Variants in TAOK3 observed in about 807,000 individuals in gnomAD.
TAOK3 encodes serine/threonine-protein kinase TAO3.
TAOK3 carries 40 observed loss-of-function variants against 120.4 expected under a neutral mutation model. That is an observed-to-expected ratio of 0.33 (90% confidence interval 0.26 to 0.43). The LOEUF (loss-of-function observed/expected upper bound fraction) is 0.43. Ranked by LOEUF, TAOK3 falls within the 20% of genes least tolerant of loss-of-function variation. The pLI is 1.00. For missense variants in TAOK3, 821 were observed against 1,112.1 expected (o/e 0.74, Z 3.72); for synonymous variants, 355 against 387.5 (o/e 0.92, Z 0.99).
intron 1 of TAOK3, among the ~76,000 whole-genome samples, chr12:118,338,719 A>G (rs1158592287): frequency 3.6e-5 from 5 of 139,196 alleles, no homozygotes; most frequent in Non-Finnish European, 6.1e-5. Context: ...CCTGGGAGGC[A>G]GAGGTTGCAG....
At position 118,151,287 on chromosome 12, in the gene TAOK3, G is replaced by GCACACACACA. The variant is rs767980079; in HGVS notation, c.2536-130_2536-129insTGTGTGTGTG. 1,612 of 476,582 alleles carry GCACACACACA rather than the reference G, an allele frequency of 3.4e-3. 12 individuals carry two copies. The highest frequency in any genetic ancestry group is 0.023 in the East Asian group (687 of 30,036). The allele number at this position is 476,582 out of a possible 1,614,324, so 29.5% of individuals were successfully genotyped here. ...AGGCACACACATGAAGTGCGCGCGC[G>GCACACACACA]CGCACACACACACACACACACACAC... On this transcript the variant is annotated intron_variant, in intron 20 of 20. Transcript: ENST00000392533.
chr12:118,246,325 T>A, intron 3 of TAOK3: 1 of 1,599,596 alleles, frequency 6.3e-7, no homozygotes. Context: ...CTGGAGGAGA[T>A]CTATCTCTTC....
chr12:118,294,461 C>A (rs1828497530), intron 1 of TAOK3, among the ~76,000 whole-genome samples: 1 of 151,786 alleles, frequency 6.6e-6, no homozygotes, highest in African/African-American at 2.4e-5. Flanking sequence ...TCGGCTCACT[C>A]CAACCTCTGC....
At chr12:118,341,157 G>A (rs758259247) in intron 1 of TAOK3, among the ~76,000 whole-genome samples, 8 of 151,882 alleles carry the variant, frequency 5.3e-5, no homozygotes, top group Non-Finnish European at 1.0e-4. Context: ...CTGCCGCCAT[G>A]CCTGGCTAAT....
intron 1 of TAOK3, among the ~76,000 whole-genome samples, chr12:118,355,436 G>A (rs1247830390): frequency 1.3e-5 from 2 of 152,142 alleles, no homozygotes; most frequent in African/African-American, 2.4e-5. Flanking sequence ...AATGAAAAAT[G>A]TTACTAAAGT....
intron 17 of TAOK3, among the ~76,000 whole-genome samples, chr12:118,162,715 CTGTT>C (rs1371073640): frequency 6.6e-6 from 1 of 152,004 alleles, no homozygotes; most frequent in African/African-American, 2.4e-5. Flanking sequence ...GCATTACAGT[CTGTT>C]TGATCATTTA....
At chr12:118,307,823 C>A (rs1168465561) in intron 1 of TAOK3, among the ~76,000 whole-genome samples, 1 of 152,150 alleles carries the variant, frequency 6.6e-6, no homozygotes, top group African/African-American at 2.4e-5. Flanking sequence ...AAATGTTAAG[C>A]TGCATACTGC....
intron 9 of TAOK3, among the ~76,000 whole-genome samples, chr12:118,228,309 GC>G (rs2139759052): frequency 6.6e-6 from 1 of 151,902 alleles, no homozygotes; most frequent in South Asian, 2.1e-4. Context: ...GCACCACCAT[GC>G]CCAGCTAATT....
Position 118,152,504 on chromosome 12 carries a change from T to C in TAOK3, c.2353-95A>G, listed in dbSNP as rs2034521351. 2.3e-6 allele frequency: 3 copies of C among 1,326,010 alleles called. No homozygotes were observed. The South Asian group carries it at 4.4e-5, about 19-fold the overall frequency. The allele number at this position is 1,326,010 out of a possible 1,614,324, so 82.1% of individuals were successfully genotyped here. A position where few individuals can be genotyped will look rare whatever the true frequency, so the allele number is the denominator to read the frequency against. Reference sequence around the variant, plus strand: ...TGACTACTGGAAGAGGTTTCCTCATTTGGATTGAAATTGGTTGCCCCCTCA... The same window carrying C: ...TGACTACTGGAAGAGGTTTCCTCATCTGGATTGAAATTGGTTGCCCCCTCA... On this transcript the variant is annotated intron_variant, in intron 19 of 20. Transcript: ENST00000392533.
intron 1 of TAOK3, among the ~76,000 whole-genome samples, chr12:118,370,011 C>T (rs1395129750): frequency 6.7e-6 from 1 of 149,884 alleles, no homozygotes; most frequent in Non-Finnish European, 1.5e-5. Context: ...AATAGCTGGC[C>T]CTACAGGCAC....
At chr12:118,215,172 C>T (rs1403937588) in intron 9 of TAOK3, among the ~76,000 whole-genome samples, 2 of 148,354 alleles carry the variant, frequency 1.3e-5, no homozygotes, top group African/African-American at 4.9e-5. Context: ...AGCCACTGCA[C>T]CCAGTCCCAT....
chr12:118,296,106 A>G (rs905393066), intron 1 of TAOK3, among the ~76,000 whole-genome samples: 1 of 152,204 alleles, frequency 6.6e-6, no homozygotes, highest in Non-Finnish European at 1.5e-5. Flanking sequence ...ATAAAACATT[A>G]AATGTGGCAA....
chr12:118,272,553 G>A (rs2041752586), intron 1 of TAOK3, among the ~76,000 whole-genome samples: 2 of 151,980 alleles, frequency 1.3e-5, no homozygotes, highest in Admixed American at 6.6e-5. Flanking sequence ...GAATTAGAAT[G>A]TTTCATACTG....
At chr12:118,311,020 C>T (rs1361744115) in intron 1 of TAOK3, among the ~76,000 whole-genome samples, 3 of 150,466 alleles carry the variant, frequency 2.0e-5, no homozygotes, top group Non-Finnish European at 4.4e-5. Flanking sequence ...ATTCTATGAC[C>T]CTACAGTGTT....
intron 1 of TAOK3, among the ~76,000 whole-genome samples, chr12:118,349,985 C>A (rs1427625513): frequency 6.6e-6 from 1 of 152,176 alleles, no homozygotes; most frequent in African/African-American, 2.4e-5. Flanking sequence ...TAATGCCTTA[C>A]AAAGTCACTG....
chr12:118,219,334 T>C (rs1460242071), intron 9 of TAOK3, among the ~76,000 whole-genome samples: 1 of 151,726 alleles, frequency 6.6e-6, no homozygotes, highest in South Asian at 2.1e-4. Context: ...CATTGCAACC[T>C]CAAACTCATG....
At chr12:118,350,922 T>G (rs1032820125) in intron 1 of TAOK3, among the ~76,000 whole-genome samples, 5 of 151,118 alleles carry the variant, frequency 3.3e-5, no homozygotes, top group African/African-American at 1.2e-4. Context: ...TTCATGCCTG[T>G]AATCCCAGCA....
chr12:118,311,490 C>A (rs1201549579), intron 1 of TAOK3, among the ~76,000 whole-genome samples: 1 of 151,958 alleles, frequency 6.6e-6, no homozygotes, highest in Non-Finnish European at 1.5e-5. Flanking sequence ...AAAGAGCTCA[C>A]AAATAAGTTT....
At chr12:118,155,734 CATCTT>C (rs2034775144) in intron 19 of TAOK3, among the ~76,000 whole-genome samples, 1 of 151,956 alleles carries the variant, frequency 6.6e-6, no homozygotes, top group African/African-American at 2.4e-5. Flanking sequence ...TGTTCTCTCT[CATCTT>C]ATTTATTTTT....
Sources: allele counts gnomAD v4.1 joint callset (sites outside exome capture counted in the v4.1 genomes callset), GRCh38; gene constraint gnomAD v4.1.1; transcripts MANE v1.5; gene names NCBI Gene and HGNC (gene_info 2026-07-23, HGNC 2026-07-21).